STIM1: variants seen among roughly 807,000 people sequenced by gnomAD.
The protein encoded by STIM1 is stromal interaction molecule 1.
STIM1 carries 25 observed loss-of-function variants against 74.7 expected under a neutral mutation model. The ratio of observed to expected loss-of-function variants is 0.33; its 90% CI spans 0.24 to 0.47. The LOEUF is 0.47. Ranked by LOEUF, STIM1 falls within the 20% of genes least tolerant of loss-of-function variation. The pLI is 1.00. For missense variants in STIM1, 728 were observed against 920.8 expected (o/e 0.79, Z 2.71); for synonymous variants, 328 against 348.8 (o/e 0.94, Z 0.66).
At chr11:4,057,307 T>A (rs1024250080) in intron 4 of STIM1, among the ~76,000 whole-genome samples, 2 of 152,154 alleles carry the variant, frequency 1.3e-5, no homozygotes, top group Non-Finnish European at 2.9e-5. Flanking sequence ...TTCACTTAGC[T>A]TTTTTGTGGC....
chr11:3,888,615 G>A (rs1468380097), intron 1 of STIM1, among the ~76,000 whole-genome samples: 1 of 152,016 alleles, frequency 6.6e-6, no homozygotes, highest in Non-Finnish European at 1.5e-5. Context: ...TCTGCTCACT[G>A]CAGCCTCCAC....
intron 1 of STIM1, among the ~76,000 whole-genome samples, chr11:3,860,317 C>T (rs2090548502): frequency 1.3e-5 from 2 of 152,128 alleles, no homozygotes; most frequent in Admixed American, 1.3e-4. Context: ...TTATTACCAT[C>T]CTGTGTTATA....
At chr11:3,862,880 G>GCACA (rs58778371) in intron 1 of STIM1, among the ~76,000 whole-genome samples, 37 of 146,214 alleles carry the variant, frequency 2.5e-4, no homozygotes, top group East Asian at 1.3e-3. Flanking sequence ...ACACACACAC[G>GCACA]CACACACACA....
intron 1 of STIM1, among the ~76,000 whole-genome samples, chr11:3,933,108 A>AT (rs1248219454): frequency 8.5e-5 from 13 of 152,130 alleles, no homozygotes; most frequent in African/African-American, 2.9e-4. Flanking sequence ...CTAAGGTGGT[A>AT]TTTTAGCTGT....
intron 1 of STIM1, among the ~76,000 whole-genome samples, chr11:3,915,119 G>T (rs1342748870): frequency 1.3e-5 from 2 of 151,808 alleles, no homozygotes; most frequent in Admixed American, 1.3e-4. Flanking sequence ...GTTTTTTGTT[G>T]TTGAGTTATG....
At chr11:4,024,851 G>A (rs1321881808) in intron 3 of STIM1, among the ~76,000 whole-genome samples, 7 of 152,074 alleles carry the variant, frequency 4.6e-5, no homozygotes, top group Admixed American at 3.3e-4. Context: ...CTAATTGTGC[G>A]AGACTTGACA....
intron 1 of STIM1, among the ~76,000 whole-genome samples, chr11:3,901,750 A>G (rs2092353462): frequency 6.6e-6 from 1 of 152,190 alleles, no homozygotes; most frequent in Admixed American, 6.5e-5. Context: ...TTGTTTGCCT[A>G]AGCCTTCTTC....
At chr11:4,012,855 G>A in intron 2 of STIM1, among the ~76,000 whole-genome samples, 1 of 152,168 alleles carries the variant, frequency 6.6e-6, no homozygotes, top group Non-Finnish European at 1.5e-5. Context: ...TATATTGGCT[G>A]TGGGTTTGTC....
chr11:3,916,684 T>G (rs1365027573), intron 1 of STIM1, among the ~76,000 whole-genome samples: 1 of 152,176 alleles, frequency 6.6e-6, no homozygotes, highest in Non-Finnish European at 1.5e-5. Flanking sequence ...ACTCTTGACC[T>G]CAGGTGATCT....
At chr11:3,912,647 T>G (rs2092583892) in intron 1 of STIM1, among the ~76,000 whole-genome samples, 1 of 152,182 alleles carries the variant, frequency 6.6e-6, no homozygotes, top group African/African-American at 2.4e-5. Flanking sequence ...ATTACAGGTG[T>G]GAGCCACCGT....
At chr11:3,857,641 G>C (rs2090438220) in intron 1 of STIM1, among the ~76,000 whole-genome samples, 1 of 151,930 alleles carries the variant, frequency 6.6e-6, no homozygotes, top group Non-Finnish European at 1.5e-5. Flanking sequence ...CCTGCAGTGT[G>C]GGGAGAGTTT....
At chr11:3,911,412 A>G (rs1309563423) in intron 1 of STIM1, among the ~76,000 whole-genome samples, 1 of 151,876 alleles carries the variant, frequency 6.6e-6, no homozygotes, top group Non-Finnish European at 1.5e-5. Flanking sequence ...CATCTTTTTA[A>G]AATTGTTTTT....
intron 1 of STIM1, among the ~76,000 whole-genome samples, chr11:3,964,374 T>C (rs2093319824): frequency 6.6e-6 from 1 of 152,242 alleles, no homozygotes; most frequent in African/African-American, 2.4e-5. Flanking sequence ...ATGGTTTTTC[T>C]GTACAGGATT....
At chr11:3,931,891 G>A (rs1238185419) in intron 1 of STIM1, among the ~76,000 whole-genome samples, 1 of 152,166 alleles carries the variant, frequency 6.6e-6, no homozygotes, top group Non-Finnish European at 1.5e-5. Flanking sequence ...TGTGGAACAC[G>A]GGCCATACAG....
At chr11:4,072,683 C>A (rs2094411194) in intron 6 of STIM1, among the ~76,000 whole-genome samples, 1 of 152,200 alleles carries the variant, frequency 6.6e-6, no homozygotes, top group African/African-American at 2.4e-5. Flanking sequence ...TTATAAAGGA[C>A]AGACATATCA....
At chr11:3,928,603 G>C (rs1418744594) in intron 1 of STIM1, among the ~76,000 whole-genome samples, 2 of 152,076 alleles carry the variant, frequency 1.3e-5, no homozygotes, top group Non-Finnish European at 2.9e-5. Context: ...ATGTGTGTGT[G>C]TGTGCGCGTG....
At chr11:4,026,675 C>A (rs1032254919) in intron 3 of STIM1, among the ~76,000 whole-genome samples, 3 of 152,100 alleles carry the variant, frequency 2.0e-5, no homozygotes, top group African/African-American at 7.2e-5. Flanking sequence ...TTCAAGAAAG[C>A]CCTATACTTA....
At chr11:3,946,880 T>C (rs2093081816) in intron 1 of STIM1, among the ~76,000 whole-genome samples, 1 of 152,204 alleles carries the variant, frequency 6.6e-6, no homozygotes, top group Admixed American at 6.5e-5. Context: ...ACATTGGGCA[T>C]AGCCCTTTCC....
At chr11:3,945,062 A>G (rs1307156859) in intron 1 of STIM1, among the ~76,000 whole-genome samples, 5 of 152,330 alleles carry the variant, frequency 3.3e-5, no homozygotes, top group East Asian at 1.9e-4. Flanking sequence ...TATTAGGAGT[A>G]TAGGCTTTGG....
Sources: allele counts gnomAD v4.1 joint callset (sites outside exome capture counted in the v4.1 genomes callset), GRCh38; gene constraint gnomAD v4.1.1; transcripts MANE v1.5; gene names NCBI Gene and HGNC (gene_info 2026-07-23, HGNC 2026-07-21).